SLC12A4: variants seen among roughly 807,000 people sequenced by gnomAD.
SLC12A4 encodes electroneutral potassium-chloride cotransporter 1.
A neutral mutation model predicts 119.2 loss-of-function variants in SLC12A4; 84 were observed. That is an observed-to-expected ratio of 0.70 (90% CI 0.59 to 0.85). The LOEUF (loss-of-function observed/expected upper bound fraction) is 0.85, where lower values mean the gene tolerates loss of function less well. SLC12A4 is among the 40% of genes least tolerant of loss of function. The pLI, the probability that SLC12A4 is intolerant of heterozygous loss-of-function variation, is 0.00. For missense variants in SLC12A4, 1,298 were observed against 1,476.3 expected (o/e 0.88, Z 1.98); for synonymous variants, 599 against 604.6 (o/e 0.99, Z 0.14).
chr16:67,954,761 T>C lies in SLC12A4; in HGVS notation c.557A>G (p.Tyr186Cys). The change falls in exon 6 of 24, where the codon TAT (tyrosine) becomes TGT (cysteine). Residue 186 changes from tyrosine to cysteine, a missense_variant. Tyr to Cys is a radical substitution (Grantham distance 194, BLOSUM62 -2). Coordinates refer to ENST00000316341, the MANE Select transcript of SLC12A4 (RefSeq NM_005072.5). Reference protein sequence around the residue: ...TNGVVPAGGSYFMISRSLGPE... With the variant: ...TNGVVPAGGSCFMISRSLGPE... ...CCCCAGTGAACGAGAGATCATGAAA[T>C]AGGAGCCCCCAGCTACAGCAGAGAA... 1 of 1,613,990 alleles carries C rather than the reference T, an allele frequency of 6.2e-7. No homozygotes were observed. Among genetic ancestry groups the C allele is most frequent in the Non-Finnish European group, 8.5e-7 (1 of 1,179,972 alleles).
chr16:67,948,285 C>G (rs1382469989), intron 13 of SLC12A4, 126 bp from the exon 14 acceptor site: 1 of 792,370 alleles, frequency 1.3e-6, no homozygotes, highest in East Asian at 2.6e-5. Context: ...GCAAGGTCTT[C>G]TCAACCTCAT....
chr16:67,952,825 C>T (rs1312424555), intron 6 of SLC12A4, among the ~76,000 whole-genome samples: 8 of 151,774 alleles, frequency 5.3e-5, no homozygotes. Context: ...CCGTGGCTCA[C>T]GCCTGTAATC....
intron 1 of SLC12A4, chr16:67,966,941 GC>G: frequency 7.0e-7 from 1 of 1,419,716 alleles, no homozygotes; most frequent in Non-Finnish European, 9.3e-7. Context: ...CCAAGGTGGG[GC>G]CAGCAGCTAG....
chr16:67,965,356 C>T (rs913790881), intron 1 of SLC12A4, among the ~76,000 whole-genome samples: 10 of 152,096 alleles, frequency 6.6e-5, no homozygotes, highest in Admixed American at 6.6e-5. Flanking sequence ...TTCATTTTGT[C>T]AGAAAATGCC....
intron 1 of SLC12A4, chr16:67,963,838 A>AGG: frequency 6.7e-7 from 1 of 1,494,072 alleles, no homozygotes; most frequent in South Asian, 1.2e-5. Flanking sequence ...ATGGACACTG[A>AGG]GGGACGGGGC....
At chr16:67,957,548 A>C (rs991205588) in intron 5 of SLC12A4, 194 bp downstream of exon 5, 6 of 620,010 alleles carry the variant, frequency 9.7e-6, no homozygotes, top group African/African-American at 7.4e-5. Flanking sequence ...TTTTATATTA[A>C]CAAAAACCAC....
At position 67,945,207 on chromosome 16, in the gene SLC12A4, CATTGG is replaced by C. The variant is rs775267705; in HGVS notation, c.3041_3045del (p.Ser1014CysfsTer12). On this transcript the variant is annotated frameshift_variant, in exon 23 of 24. Coordinates refer to ENST00000316341, the MANE Select transcript of SLC12A4 (RefSeq NM_005072.5). LOFTEE classifies it high-confidence loss of function. The stretch of plus-strand genomic sequence containing the variant: ...TTCACAGCAGTGTGCATGCGCCGCA[CATTGG>C]ATTGGTCCCTACACGTAGTGTAGCC... 6.4e-7 allele frequency: 1 copy of C among 1,560,972 alleles called. No homozygotes were observed. Among genetic ancestry groups the C allele is most frequent in the African/African-American group, 1.4e-5 (1 of 73,612 alleles).
chr16:67,963,066 T>G (rs1447456361), intron 2 of SLC12A4: 1 of 154,146 alleles, frequency 6.5e-6, no homozygotes, highest in Non-Finnish European at 1.4e-5. Flanking sequence ...CTCAGGGAAC[T>G]AGAGAGGGAC....
intron 1 of SLC12A4, chr16:67,963,856 G>A: frequency 6.5e-7 from 1 of 1,528,658 alleles, no homozygotes; most frequent in Non-Finnish European, 8.9e-7. Context: ...GGCCTGCAGA[G>A]GGGCGGGGCC....
In SLC12A4 at chr16:67,952,003, C is replaced by G; in HGVS notation, c.952G>C (p.Asp318His). 2 of 1,614,042 alleles carry G rather than the reference C, an allele frequency of 1.2e-6. No homozygotes were observed. Among genetic ancestry groups the G allele is most frequent in the Non-Finnish European group, 1.7e-6 (2 of 1,180,022 alleles). Residue 318 changes from aspartate to histidine, a missense_variant, in exon 8 of 24, where the codon GAC becomes CAC. Coordinates refer to ENST00000316341, the MANE Select transcript of SLC12A4 (RefSeq NM_005072.5). ...GTCTTGGCACAGATGTCAAACTGGTCCCGGGACAGGGTCCTGTTGCCCAGC... is the reference window on the plus strand; with the variant it reads ...GTCTTGGCACAGATGTCAAACTGGTGCCGGGACAGGGTCCTGTTGCCCAGC... ...CMLGNRTLSR[D>H]QFDICAKTAV...
intron 3 of SLC12A4, among the ~76,000 whole-genome samples, chr16:67,959,905 C>T (rs1181884765): frequency 2.6e-5 from 4 of 152,250 alleles, no homozygotes; most frequent in Non-Finnish European, 5.9e-5. Context: ...TTTTCCGAGG[C>T]CCCTGCTCGG....
At chr16:67,947,819 A>G (rs2058369806) in intron 14 of SLC12A4, 31 bp from the exon 15 acceptor site, 1 of 1,557,972 alleles carries the variant, frequency 6.4e-7, no homozygotes, top group African/African-American at 1.4e-5. Context: ...GAGTCAGGGC[A>G]GGACCAGGAG....
In SLC12A4 at chr16:67,944,213, T is replaced by C; in HGVS notation, c.*627A>G. Reference sequence around the variant, plus strand: ...GAGGGACGGCCTGGCCAGTGGGGGTTGTGGCCAGAGATTGCCGGAAAGGGG... The same window carrying C: ...GAGGGACGGCCTGGCCAGTGGGGGTCGTGGCCAGAGATTGCCGGAAAGGGG... On this transcript the variant is annotated 3_prime_UTR_variant, in exon 24 of 24. Transcript: ENST00000316341. The surrounding 1 kb of genome is among the most constrained non-coding windows in gnomAD (Gnocchi z 6.6). 1 of 1,464,578 alleles carries C rather than the reference T, an allele frequency of 6.8e-7. No individual in the cohort carries two copies. The highest frequency in any genetic ancestry group is 9.1e-7 in the Non-Finnish European group (1 of 1,102,486). The allele number at this position is 1,464,578 out of a possible 1,614,324, so 90.7% of individuals were successfully genotyped here.
Position 67,951,230 on chromosome 16 carries a change from TCGGGGCATCTG to T in SLC12A4, c.1196_1206del (p.Ala399GlufsTer13). On this transcript the variant is annotated frameshift_variant, in exon 9 of 24. Transcript: ENST00000316341. LOFTEE classifies it high-confidence loss of function. The surrounding 1 kb of genome is among the most constrained non-coding windows in gnomAD (Gnocchi z 5.2). ...TACAGAGGCAGGCTCTCCTTCAGGC[TCGGGGCATCTG>T]CGGAGGGCAGCCCATGCTTCTCCAC... The T allele has an allele frequency of 6.2e-7, 1 of 1,614,056 alleles. No individual in the cohort carries two copies. Among genetic ancestry groups the T allele is most frequent in the Non-Finnish European group, 8.5e-7 (1 of 1,179,976 alleles).
At chr16:67,955,678 C>T (rs2030218657) in intron 5 of SLC12A4, among the ~76,000 whole-genome samples, 1 of 151,964 alleles carries the variant, frequency 6.6e-6, no homozygotes, top group Non-Finnish European at 1.5e-5. Context: ...CTCAGGAGTT[C>T]GTGACCAGCC....
In SLC12A4 at chr16:67,952,196, G is replaced by A. The variant is rs998736513; in HGVS notation, c.905C>T (p.Pro302Leu). ...YAGGIKSIFD[P>L]PVFPVCMLGN... The stretch of plus-strand genomic sequence containing the variant: ...CTGGGTTACTTACGGAAACACGGGA[G>A]GGTCAAATATAGACTTTATGCCCCC... The change falls in exon 7 of 24, where the codon CCT (proline) becomes CTT (leucine). Residue 302 changes from proline to leucine, a missense_variant. Physicochemically the swap from Pro to Leu is moderately conservative, Grantham distance 98. Transcript: ENST00000316341. 1.9e-6 allele frequency: 3 copies of A among 1,613,982 alleles called. No homozygotes were observed. Among genetic ancestry groups the A allele is most frequent in the Non-Finnish European group, 2.5e-6 (3 of 1,179,948 alleles).
intron 1 of SLC12A4, among the ~76,000 whole-genome samples, chr16:67,968,091 T>G (rs561204171): frequency 1.3e-5 from 2 of 152,008 alleles, no homozygotes; most frequent in Admixed American, 6.5e-5. Context: ...TTCACCGAAG[T>G]TGAAGGGCCG....
In SLC12A4 at chr16:67,957,564, C is replaced by T; in HGVS notation, c.544+178G>A. The T allele has an allele frequency of 3.1e-5, 20 of 643,926 alleles. No individual in the cohort carries two copies. The South Asian group carries it at 4.1e-4, about 13-fold the overall frequency. The allele number at this position is 643,926 out of a possible 1,614,324, so 39.9% of individuals were successfully genotyped here. ...TTTATATTAACAAAAACCACAATGG[C>T]ACTCTCCAACTCTGTCAAGCAGGAA... On this transcript the variant is annotated intron_variant, in intron 5 of 23. Transcript: ENST00000316341.
chr16:67,943,564 G>A lies in SLC12A4; in HGVS notation c.*1276C>T. 2.0e-6 allele frequency: 1 copy of A among 505,624 alleles called. No homozygotes were observed. Among genetic ancestry groups the A allele is most frequent in the Non-Finnish European group, 3.6e-6 (1 of 276,658 alleles). The allele number at this position is 505,624 out of a possible 1,614,324, so 31.3% of individuals were successfully genotyped here. On this transcript the variant is annotated 3_prime_UTR_variant, in exon 24 of 24. Transcript: ENST00000316341. The surrounding 1 kb of genome is among the most constrained non-coding windows in gnomAD (Gnocchi z 4.6). ...GCTGGGCCTAATAGGGGCCGGGCAT[G>A]GATGGGCCTCTCCTGCTCACCGATC...
Sources: gnomAD v4.1 joint callset for allele counts (sites outside exome capture counted in the v4.1 genomes callset) on GRCh38, gnomAD v4.1.1 for gene constraint, Gnocchi (gnomAD v3.1) non-coding constraint, MANE v1.5 for transcripts, NCBI Gene and HGNC (gene_info 2026-07-23, HGNC 2026-07-21) for gene names.